Variants in SUSD4 observed in about 807,000 individuals in gnomAD.
SUSD4 encodes the protein sushi domain containing 4, also known as sushi domain-containing protein 4.
Under a neutral mutation model 50.5 loss-of-function variants are expected in SUSD4, and 41 were observed. The observed-to-expected ratio is 0.81, with a 90% CI of 0.63 to 1.05. The LOEUF (loss-of-function observed/expected upper bound fraction) is 1.05. SUSD4 is among the 50% of genes least tolerant of loss of function. SUSD4 has a pLI of 0.00. For synonymous variants in SUSD4, 257 were observed against 257.3 expected (o/e 1.00, Z 0.01); for missense variants, 580 against 634.7 (o/e 0.91, Z 0.93).
chr1:223,290,095 TTA>T (rs1664389853), intron 3 of SUSD4, among the ~76,000 whole-genome samples: 1 of 152,238 alleles, frequency 6.6e-6, no homozygotes, highest in African/African-American at 2.4e-5. Flanking sequence ...ATGTGATAAA[TTA>T]TTATTGTTAC....
At chr1:223,317,851 C>CTTTTTTTTTTTTTTTTTTTTT (rs1172641015) in intron 2 of SUSD4, among the ~76,000 whole-genome samples, 59 of 100,716 alleles carry the variant, frequency 5.9e-4, no homozygotes, top group Non-Finnish European at 7.0e-4. Context: ...TTTTTTTTTT[C>CTTTTTTTTTTTTTTTTTTTTT]TTTTTTTTTT....
intron 5 of SUSD4, among the ~76,000 whole-genome samples, chr1:223,262,951 G>A (rs183263110): frequency 1.3e-5 from 2 of 152,112 alleles, no homozygotes; most frequent in Non-Finnish European, 2.9e-5. Flanking sequence ...AGCCACTCTC[G>A]GCTCCCTGTT....
chr1:223,356,640 G>C (rs2102592442), intron 2 of SUSD4, among the ~76,000 whole-genome samples: 1 of 152,246 alleles, frequency 6.6e-6, no homozygotes, highest in African/African-American at 2.4e-5. Context: ...GCATACGGTT[G>C]AGAAGATAAG....
At chr1:223,357,608 A>C (rs1274723755) in intron 2 of SUSD4, among the ~76,000 whole-genome samples, 2 of 152,218 alleles carry the variant, frequency 1.3e-5, no homozygotes, top group Non-Finnish European at 2.9e-5. Context: ...CTATCCACAA[A>C]GTGTGGAAAA....
At chr1:223,270,852 C>T (rs1662867899) in intron 3 of SUSD4, among the ~76,000 whole-genome samples, 1 of 152,114 alleles carries the variant, frequency 6.6e-6, no homozygotes, top group African/African-American at 2.4e-5. Context: ...TAAGCCACCA[C>T]GCCCAGCCTG....
intron 4 of SUSD4, among the ~76,000 whole-genome samples, chr1:223,266,447 G>T (rs951295031): frequency 6.6e-6 from 1 of 152,154 alleles, no homozygotes; most frequent in African/African-American, 2.4e-5. Context: ...AAATGAGTTG[G>T]CACAAATGAT....
intron 3 of SUSD4, among the ~76,000 whole-genome samples, chr1:223,286,874 C>A (rs1052583731): frequency 1.3e-5 from 2 of 152,302 alleles, no homozygotes; most frequent in Admixed American, 1.3e-4. Flanking sequence ...TGAGCTTGTT[C>A]TTTGTGTTGT....
Position 223,234,515 on chromosome 1 carries a change from G to A in SUSD4, c.725-5127C>T, listed in dbSNP as rs866557946. On this transcript the variant is annotated intron_variant, in intron 5 of 8. Coordinates refer to ENST00000366878, the MANE Select transcript of SUSD4 (RefSeq NM_017982.4). ...TCCTGTAGCATCCAGCATGATTCTT[G>A]ATAAACATTTGCTATTTGAGTGAAT... Among the ~76,000 whole-genome samples the A allele has an allele frequency of 2.3e-4, 35 of 152,138 alleles. 1 individual carries two copies. The highest frequency in any genetic ancestry group is 8.4e-4 in the African/African-American group (35 of 41,422).
chr1:223,268,580 T>C lies in SUSD4; in HGVS notation c.457A>G (p.Ile153Val), dbSNP rs1204197078. 1 of 1,610,716 alleles carries C rather than the reference T, an allele frequency of 6.2e-7. No homozygotes were observed. The highest frequency in any genetic ancestry group is 8.5e-7 in the Non-Finnish European group (1 of 1,178,656). Reference protein sequence around the residue: ...LIITCHEGFKIRYPDLHNMVS... With the variant: ...LIITCHEGFKVRYPDLHNMVS... The stretch of plus-strand genomic sequence containing the variant: ...ATATTGTGTAGGTCGGGGTACCGGA[T>C]CTTGAATCCTTCATGACAAGTGATG... Residue 153 changes from isoleucine (I) to valine (V), a missense_variant, in exon 4 of 9, where the codon ATC becomes GTC. Transcript: ENST00000366878.
At chr1:223,292,987 T>C (rs1664595391) in intron 2 of SUSD4, among the ~76,000 whole-genome samples, 1 of 151,506 alleles carries the variant, frequency 6.6e-6, no homozygotes, top group African/African-American at 2.4e-5. Context: ...GAACAGTAGG[T>C]GGGAGGGATT....
At chr1:223,316,144 A>G (rs1383608694) in intron 2 of SUSD4, among the ~76,000 whole-genome samples, 2 of 152,122 alleles carry the variant, frequency 1.3e-5, no homozygotes, top group Non-Finnish European at 2.9e-5. Context: ...GGCAAGGAGA[A>G]TAACAGGGCA....
intron 2 of SUSD4, among the ~76,000 whole-genome samples, chr1:223,362,644 G>A (rs1371340980): frequency 6.6e-6 from 1 of 152,124 alleles, no homozygotes; most frequent in Non-Finnish European, 1.5e-5. Flanking sequence ...TTTATTCCCT[G>A]AAATCATACC....
chr1:223,361,707 C>G (rs1052330022), intron 2 of SUSD4, among the ~76,000 whole-genome samples: 24 of 152,194 alleles, frequency 1.6e-4, no homozygotes, highest in Non-Finnish European at 2.8e-4. Context: ...CCTTGATTAA[C>G]TAGTCTGTCA....
intron 2 of SUSD4, among the ~76,000 whole-genome samples, chr1:223,343,727 C>G (rs1667883464): frequency 6.6e-6 from 1 of 152,172 alleles, no homozygotes; most frequent in African/African-American, 2.4e-5. Context: ...AATGAATATG[C>G]ATACATCTGC....
At chr1:223,352,449 G>T (rs929678908) in intron 2 of SUSD4, among the ~76,000 whole-genome samples, 17 of 152,178 alleles carry the variant, frequency 1.1e-4, no homozygotes, top group Admixed American at 5.2e-4. Context: ...CCATTGCACA[G>T]ACTGCACTTT....
chr1:223,291,879 A>G (rs1452220909), intron 3 of SUSD4, among the ~76,000 whole-genome samples: 4 of 152,220 alleles, frequency 2.6e-5, no homozygotes, highest in Non-Finnish European at 4.4e-5. Flanking sequence ...ATGTGGGGTA[A>G]TTGCTAGAAG....
chr1:223,263,369 G>C (rs1640846), intron 5 of SUSD4, among the ~76,000 whole-genome samples: 54,214 of 152,084 alleles, frequency 0.36, 9,958 homozygotes, highest in Non-Finnish European at 0.41. Context: ...TTCAGATAAG[G>C]AAAGAATAAT....
chr1:223,353,530 C>G (rs1398496695), intron 2 of SUSD4, among the ~76,000 whole-genome samples: 1 of 152,290 alleles, frequency 6.6e-6, no homozygotes, highest in East Asian at 1.9e-4. Context: ...GTTAAGGGAC[C>G]TGCTTCAGAG....
intron 2 of SUSD4, among the ~76,000 whole-genome samples, chr1:223,309,090 T>C (rs1379678868): frequency 4.6e-5 from 7 of 152,134 alleles, no homozygotes; most frequent in Non-Finnish European, 8.8e-5. Flanking sequence ...GTTGTTTTTC[T>C]CCCTCTTCCA....
Sources: gnomAD v4.1 joint callset for allele counts (sites outside exome capture counted in the v4.1 genomes callset) on GRCh38, gnomAD v4.1.1 for gene constraint, MANE v1.5 for transcripts, NCBI Gene and HGNC (gene_info 2026-07-23, HGNC 2026-07-21) for gene names.